MACF1: variants seen among roughly 807,000 people sequenced by gnomAD.
MACF1 encodes microtubule actin crosslinking factor 1.
Under a neutral mutation model 854.8 loss-of-function variants are expected in MACF1, and 193 were observed. The observed-to-expected ratio is 0.23, with a 90% CI of 0.20 to 0.25. MACF1 has a LOEUF of 0.25. Ranked by LOEUF, MACF1 falls within the 10% of genes least tolerant of loss-of-function variation. The pLI, the probability that MACF1 is intolerant of heterozygous loss-of-function variation, is 1.00. For synonymous variants in MACF1, 3,185 were observed against 3,226.7 expected (o/e 0.99, Z 0.44); for missense variants, 7,722 against 8,929.1 (o/e 0.86, Z 5.45).
intron 95 of MACF1, among the ~76,000 whole-genome samples, chr1:39,465,366 T>C (rs1377754095): frequency 6.6e-6 from 1 of 152,230 alleles, no homozygotes; most frequent in Admixed American, 6.5e-5. Flanking sequence ...TCCATTACAC[T>C]TCTAAGAAGA....
chr1:39,244,176 C>T (rs1239560030), intron 2 of MACF1, among the ~76,000 whole-genome samples: 1 of 151,996 alleles, frequency 6.6e-6, no homozygotes, highest in African/African-American at 2.4e-5. Flanking sequence ...ACAATCTCGG[C>T]TCACTGCAAC....
intron 2 of MACF1, among the ~76,000 whole-genome samples, chr1:39,233,099 A>T (rs1279654136): frequency 1.3e-5 from 2 of 151,884 alleles, no homozygotes; most frequent in Non-Finnish European, 2.9e-5. Flanking sequence ...CAGTGGCACG[A>T]TCTCGGCTCA....
At chr1:39,377,877 G>A (rs752267258) in intron 52 of MACF1, among the ~76,000 whole-genome samples, 6 of 151,928 alleles carry the variant, frequency 3.9e-5, no homozygotes, top group South Asian at 2.1e-4. Context: ...GGTGGCAGGC[G>A]CCTGTAATCC....
intron 13 of MACF1, 38 bp from the exon 14 acceptor site, chr1:39,285,566 G>A: frequency 6.2e-7 from 1 of 1,602,768 alleles, no homozygotes; most frequent in Non-Finnish European, 8.5e-7. Context: ...GTGGGGCAAT[G>A]GAAGTTTTCC....
At chr1:39,399,689 T>C (rs1209882318) in intron 58 of MACF1, among the ~76,000 whole-genome samples, 1 of 152,170 alleles carries the variant, frequency 6.6e-6, no homozygotes, top group Non-Finnish European at 1.5e-5. Context: ...ATAAAGGCTT[T>C]TGATCTCCCC....
chr1:39,225,112 G>A (rs1390563355), intron 1 of MACF1, among the ~76,000 whole-genome samples: 1 of 152,130 alleles, frequency 6.6e-6, no homozygotes, highest in Admixed American at 6.5e-5. Flanking sequence ...TGAGCCTAGG[G>A]GTTCAAGATT....
At chr1:39,202,229 G>T (rs1315159080), upstream of MACF1, among the ~76,000 whole-genome samples, 2 of 149,926 alleles carry the variant, frequency 1.3e-5, no homozygotes, top group East Asian at 4.0e-4. Flanking sequence ...GCCTCCCAAA[G>T]TGCTGGGATT....
intron 40 of MACF1, among the ~76,000 whole-genome samples, chr1:39,343,982 G>T (rs1372381077): frequency 6.6e-6 from 1 of 152,030 alleles, no homozygotes; most frequent in African/African-American, 2.4e-5. Context: ...AGGCGTGGTG[G>T]CACATGCCTG....
intron 22 of MACF1, among the ~76,000 whole-genome samples, chr1:39,302,121 C>T (rs928720890): frequency 2.6e-5 from 4 of 152,064 alleles, no homozygotes; most frequent in Non-Finnish European, 5.9e-5. Context: ...CTCAGCCTCC[C>T]GAGTGGCTGG....
chr1:39,226,077 T>C (rs957678690), intron 1 of MACF1, among the ~76,000 whole-genome samples: 1 of 152,144 alleles, frequency 6.6e-6, no homozygotes, highest in Non-Finnish European at 1.5e-5. Context: ...ATCTTCCAGC[T>C]CTTAGGGGCA....
intron 58 of MACF1, among the ~76,000 whole-genome samples, chr1:39,420,372 G>T (rs1643487864): frequency 6.6e-6 from 1 of 152,030 alleles, no homozygotes; most frequent in Non-Finnish European, 1.5e-5. Flanking sequence ...TGTTTTTCCT[G>T]CCTCTATCTG....
At chr1:39,176,202 C>T (rs868021857) in intron 2 of MACF1, among the ~76,000 whole-genome samples, 4 of 147,802 alleles carry the variant, frequency 2.7e-5, no homozygotes, top group South Asian at 2.2e-4. Flanking sequence ...CACTTGAACC[C>T]GGGAGACCCA....
chr1:39,417,871 C>T (rs1379268572), intron 58 of MACF1, among the ~76,000 whole-genome samples: 1 of 151,840 alleles, frequency 6.6e-6, no homozygotes, highest in Non-Finnish European at 1.5e-5. Context: ...AGCCACCACA[C>T]CCGGCCTGAG....
At chr1:39,155,852 T>C (rs1377242912) in intron 2 of MACF1, among the ~76,000 whole-genome samples, 2 of 152,004 alleles carry the variant, frequency 1.3e-5, no homozygotes, top group Non-Finnish European at 2.9e-5. Flanking sequence ...CCCAAATAGC[T>C]GGGATTACAG....
rs1412584745 is a variant in MACF1, at chr1:39,409,080, T to TCCAGCGAG, written c.15817-13292_15817-13285dup. Among the ~76,000 whole-genome samples the TCCAGCGAG allele has an allele frequency of 1.3e-5, 2 of 150,816 alleles. No homozygotes were observed. The highest frequency in any genetic ancestry group is 4.9e-5 in the African/African-American group (2 of 40,922). On this transcript the variant is annotated intron_variant, in intron 58 of 100. Transcript: ENST00000564288. The surrounding 1 kb of genome is among the most constrained non-coding windows in gnomAD (Gnocchi z 4.2). ...GAGAGCCGCCCGCCAGCCGAGCACTTCCAGCGAGCTAGCGAGCTAGCGGGT... is the reference window on the plus strand; with the variant it reads ...GAGAGCCGCCCGCCAGCCGAGCACTTCCAGCGAGCCAGCGAGCTAGCGAGCTAGCGGGT...
chr1:39,337,612 G>A (rs1177345513), intron 38 of MACF1, among the ~76,000 whole-genome samples: 1 of 130,844 alleles, frequency 7.6e-6, no homozygotes, highest in Non-Finnish European at 1.6e-5. Context: ...GTCACCCAGG[G>A]TGGAGTGCAG....
chr1:39,437,726 A>G (rs1022332607), intron 70 of MACF1, 51 bp from the exon 71 acceptor site: 3 of 1,328,868 alleles, frequency 2.3e-6, no homozygotes, highest in Admixed American at 1.7e-5. Flanking sequence ...ACACTTCTCC[A>G]AGAAGAGTGA....
chr1:39,246,844 A>G (rs114992479), intron 2 of MACF1, among the ~76,000 whole-genome samples: 3,194 of 151,364 alleles, frequency 0.021, 121 homozygotes, highest in African/African-American at 0.074. Context: ...GAGCCAGCTT[A>G]TGGACTCATG....
At chr1:39,427,389 A>G (rs541596037) in intron 61 of MACF1, 66 bp from the exon 62 acceptor site, 6 of 1,330,000 alleles carry the variant, frequency 4.5e-6, no homozygotes, top group Non-Finnish European at 6.4e-6. Flanking sequence ...TTTACTGAGT[A>G]TAGTACTATT....
Sources: gnomAD v4.1 joint callset for allele counts (sites outside exome capture counted in the v4.1 genomes callset) on GRCh38, gnomAD v4.1.1 for gene constraint, Gnocchi (gnomAD v3.1) non-coding constraint, MANE v1.5 for transcripts, NCBI Gene and HGNC (gene_info 2026-07-23, HGNC 2026-07-21) for gene names.